PCDHA4: variants seen among roughly 807,000 people sequenced by gnomAD.
PCDHA4 encodes the protein protocadherin alpha-4.
PCDHA4 carries 49 observed loss-of-function variants against 61.4 expected under a neutral mutation model. The observed-to-expected ratio is 0.80, with a 90% CI of 0.63 to 1.01. The LOEUF (loss-of-function observed/expected upper bound fraction) is 1.01. PCDHA4 is among the 50% of genes least tolerant of loss of function. The pLI is 0.00. For missense variants in PCDHA4, 1,254 were observed against 1,235.8 expected (o/e 1.01, Z -0.22); for synonymous variants, 590 against 550.3 (o/e 1.07, Z -1.01).
intron 1 of PCDHA4, chr5:140,875,559 C>A (rs1554167755): frequency 6.2e-7 from 1 of 1,614,138 alleles, no homozygotes; most frequent in Admixed American, 1.7e-5. Flanking sequence ...TGGGGAGCGG[C>A]CAGCTCCACT....
chr5:140,904,619 T>C (rs1554191627), intron 1 of PCDHA4, among the ~76,000 whole-genome samples: 1 of 152,126 alleles, frequency 6.6e-6, no homozygotes, highest in African/African-American at 2.4e-5. Context: ...GTTTTACTTT[T>C]AGTTCTTTAA....
intron 1 of PCDHA4, chr5:140,859,894 C>T (rs930000447): frequency 6.6e-6 from 1 of 151,852 alleles, no homozygotes; most frequent in Non-Finnish European, 1.5e-5. Context: ...GAAAAAAAAT[C>T]TTCCTTAATG....
At chr5:140,879,257 G>A (rs782639090) in intron 1 of PCDHA4, among the ~76,000 whole-genome samples, 3 of 152,202 alleles carry the variant, frequency 2.0e-5, no homozygotes, top group Non-Finnish European at 4.4e-5. Flanking sequence ...AGTAGAAGCA[G>A]CCAGATAATG....
chr5:140,919,981 T>TA (rs869118855), intron 1 of PCDHA4, among the ~76,000 whole-genome samples: 2 of 133,388 alleles, frequency 1.5e-5, no homozygotes, highest in Admixed American at 7.6e-5. Flanking sequence ...AGATAGAAGA[T>TA]GGAAAACAGA....
chr5:141,000,499 C>T (rs2097942558), intron 3 of PCDHA4, among the ~76,000 whole-genome samples: 1 of 138,650 alleles, frequency 7.2e-6, no homozygotes, highest in African/African-American at 2.7e-5. Context: ...AAGATCTCGG[C>T]TCACTGCAAC....
intron 1 of PCDHA4, among the ~76,000 whole-genome samples, chr5:140,818,657 G>A (rs1192707521): frequency 1.3e-5 from 2 of 152,138 alleles, no homozygotes; most frequent in Non-Finnish European, 2.9e-5. Flanking sequence ...AGCAATATAG[G>A]GAGACTCCAT....
chr5:141,007,694 C>T (rs1466885866), intron 3 of PCDHA4, among the ~76,000 whole-genome samples: 1 of 152,186 alleles, frequency 6.6e-6, no homozygotes, highest in Non-Finnish European at 1.5e-5. Context: ...CTTCCACCTC[C>T]CTCCTCTGCC....
intron 1 of PCDHA4, among the ~76,000 whole-genome samples, chr5:140,945,249 T>C (rs1181677082): frequency 6.6e-6 from 1 of 152,050 alleles, no homozygotes; most frequent in African/African-American, 2.4e-5. Flanking sequence ...ACCAAGAGGA[T>C]GAAAGACCTG....
chr5:140,858,354 C>A lies in PCDHA4; in HGVS notation c.2385+48782C>A, dbSNP rs782580844. On this transcript the variant is annotated intron_variant, in intron 1 of 3. Coordinates refer to ENST00000530339, the MANE Select transcript of PCDHA4 (RefSeq NM_018907.4). ...GGCCTGCCCAAGGCGGACCTCATGG[C>A]CTTCAGCCCCAGCCTTCCACCATGC... is the stretch of plus-strand genomic sequence containing the variant. 66 of 1,593,208 alleles carry A rather than the reference C, an allele frequency of 4.1e-5. 1 individual carries two copies. In the East Asian group the frequency reaches 1.4e-3, roughly 34 times the overall value.
intron 1 of PCDHA4, chr5:140,870,402 T>A (rs782585618): frequency 3.7e-6 from 6 of 1,614,230 alleles, no homozygotes; most frequent in Middle Eastern, 1.6e-4. Context: ...GTTCGCCTTC[T>A]CTGTGGGCCA....
intron 1 of PCDHA4, among the ~76,000 whole-genome samples, chr5:140,845,288 C>A (rs1304336704): frequency 6.7e-6 from 1 of 149,098 alleles, no homozygotes; most frequent in Non-Finnish European, 1.5e-5. Flanking sequence ...ATTTCCTATC[C>A]TGTCTATGTC....
At chr5:140,888,222 G>T (rs956304839) in intron 1 of PCDHA4, among the ~76,000 whole-genome samples, 1 of 152,168 alleles carries the variant, frequency 6.6e-6, no homozygotes, top group African/African-American at 2.4e-5. Flanking sequence ...GTGTGTGTGT[G>T]CATGTGTGTG....
At chr5:140,839,113 G>A (rs2150294815) in intron 1 of PCDHA4, among the ~76,000 whole-genome samples, 18 of 151,872 alleles carry the variant, frequency 1.2e-4, no homozygotes, top group African/African-American at 4.4e-4. Flanking sequence ...TTACCATTAA[G>A]CCATAATATG....
At chr5:140,929,321 C>A (rs1554206981) in intron 1 of PCDHA4, 1 of 1,541,174 alleles carries the variant, frequency 6.5e-7, no homozygotes, top group Non-Finnish European at 8.8e-7. Flanking sequence ...AATGTCAATG[C>A]CATGGTAAGC....
At chr5:140,926,775 G>C in intron 1 of PCDHA4, 9 of 1,391,106 alleles carry the variant, frequency 6.5e-6, no homozygotes, top group Admixed American at 3.1e-5. Flanking sequence ...GCCCGCAGCA[G>C]TGACGGCCGG....
At chr5:140,850,483 C>A in intron 1 of PCDHA4, 2 of 1,598,100 alleles carry the variant, frequency 1.3e-6, no homozygotes, top group East Asian at 4.5e-5. Flanking sequence ...ACGGCCACGG[C>A]CACTGTGCTG....
At chr5:140,890,752 G>A (rs2062783323) in intron 1 of PCDHA4, among the ~76,000 whole-genome samples, 1 of 151,990 alleles carries the variant, frequency 6.6e-6, no homozygotes, top group East Asian at 1.9e-4. Context: ...TTTCTGTCAT[G>A]CTTTAAAAAT....
chr5:140,942,733 T>C (rs1344147840), intron 1 of PCDHA4, among the ~76,000 whole-genome samples: 1 of 152,184 alleles, frequency 6.6e-6, no homozygotes, highest in Non-Finnish European at 1.5e-5. Context: ...TTGAAAAATA[T>C]TTTAAAATCT....
intron 1 of PCDHA4, chr5:140,866,520 T>C (rs1294227332): frequency 6.6e-6 from 1 of 152,150 alleles, no homozygotes; most frequent in Non-Finnish European, 1.5e-5. Context: ...GACTAAGCCA[T>C]GATAGAGCAG....
Sources: gnomAD v4.1 joint callset for allele counts (sites outside exome capture counted in the v4.1 genomes callset) on GRCh38, gnomAD v4.1.1 for gene constraint, MANE v1.5 for transcripts, NCBI Gene and HGNC (gene_info 2026-07-23, HGNC 2026-07-21) for gene names.